TMOD1: variants seen among roughly 807,000 people sequenced by gnomAD.
TMOD1 encodes tropomodulin-1.
In TMOD1, 17 loss-of-function variants were observed where a neutral mutation model predicts 40.6. That is an observed-to-expected ratio of 0.42 (90% CI 0.29 to 0.63). The LOEUF is 0.63. TMOD1 is among the 20% of genes least tolerant of loss of function. The probability of loss-of-function intolerance (pLI) is 0.22; values close to 1 mark genes in which losing one functional copy is unlikely to be tolerated. For synonymous variants in TMOD1, 181 were observed against 175.0 expected, an observed-to-expected ratio of 1.03 and a Z score of -0.27; for missense variants, 391 against 447.6, an observed-to-expected ratio of 0.87 and a Z score of 1.14.
In TMOD1 at chr9:97,546,144, CTCTT is replaced by C. The variant is rs753677312; in HGVS notation, c.121-37_121-34del. ...CTGACCACTCTCTCTTTCTCTCTCT[CTCTT>C]TCTCTCTCTCCTGCCCCCCCACAAC... On this transcript the variant is annotated intron_variant, in intron 2 of 9. Coordinates refer to ENST00000259365, the MANE Select transcript of TMOD1 (RefSeq NM_003275.4). 5.7e-6 allele frequency: 9 copies of C among 1,570,816 alleles called. No individual in the cohort carries two copies. In the Admixed American group the frequency reaches 1.6e-4, roughly 27 times the overall value.
chr9:97,600,458 C>T lies in TMOD1; in HGVS notation c.*760C>T, dbSNP rs1826231675. The stretch of plus-strand genomic sequence containing the variant: ...TTTAATACTGGAGTTAGAACTTTTT[C>T]CTTATTGAATGCCAACCTTATGATG... On this transcript the variant is annotated 3_prime_UTR_variant, in exon 10 of 10. Coordinates refer to ENST00000259365, the MANE Select transcript of TMOD1 (RefSeq NM_003275.4). The T allele has an allele frequency of 1.0e-6, 1 of 985,462 alleles. No individual in the cohort carries two copies. Among genetic ancestry groups the T allele is most frequent in the Non-Finnish European group, 1.2e-6 (1 of 830,060 alleles). The allele number at this position is 985,462 out of a possible 1,614,324, so 61.0% of individuals were successfully genotyped here.
chr9:97,550,126 G>GAAATCATAC (rs1170730841), intron 3 of TMOD1, among the ~76,000 whole-genome samples: 5 of 152,186 alleles, frequency 3.3e-5, no homozygotes, highest in African/African-American at 1.2e-4. Context: ...TTCTACAAAT[G>GAAATCATAC]AAATCATACA....
chr9:97,518,621 A>G (rs1451183259), intron 1 of TMOD1, among the ~76,000 whole-genome samples: 1 of 152,066 alleles, frequency 6.6e-6, no homozygotes, highest in Non-Finnish European at 1.5e-5. Flanking sequence ...TGAGCCAGGC[A>G]CCCCTCTGCC....
intron 8 of TMOD1, among the ~76,000 whole-genome samples, chr9:97,570,528 T>C (rs1002293593): frequency 1.3e-5 from 2 of 152,288 alleles, no homozygotes; most frequent in Admixed American, 1.3e-4. Context: ...CAGGGCTTTT[T>C]TTTTTTCTTT....
rs1015941627 is a variant in TMOD1, at chr9:97,600,405, T to C, written c.*707T>C. On this transcript the variant is annotated 3_prime_UTR_variant, in exon 10 of 10. Transcript: ENST00000259365. ...GCAACAAACATGTCCCTGAGTGTTC[T>C]TTAAGAACATTTGGGATTTATGTAC... The C allele has an allele frequency of 8.1e-6, 8 of 985,718 alleles. No homozygotes were observed. The highest frequency in any genetic ancestry group is 1.2e-4 in the Admixed American group (2 of 16,300). The allele number at this position is 985,718 out of a possible 1,614,324, so 61.1% of individuals were successfully genotyped here.
chr9:97,579,085 G>A (rs558296661), intron 8 of TMOD1, among the ~76,000 whole-genome samples: 196 of 152,276 alleles, frequency 1.3e-3, no homozygotes, highest in African/African-American at 4.4e-3. Context: ...TTGCCAGAGG[G>A]GCCGGTGGAA....
chr9:97,566,184 A>G (rs911185082), intron 7 of TMOD1, among the ~76,000 whole-genome samples: 3 of 152,160 alleles, frequency 2.0e-5, no homozygotes, highest in African/African-American at 7.2e-5. Context: ...TCAGATGTGC[A>G]GTTCTCCCCA....
intron 1 of TMOD1, among the ~76,000 whole-genome samples, chr9:97,521,123 G>C (rs1185002712): frequency 6.6e-6 from 1 of 152,148 alleles, no homozygotes; most frequent in African/African-American, 2.4e-5. Context: ...CTTCTTGTGT[G>C]GTTCTGATGT....
chr9:97,591,768 C>T (rs1826006746), intron 9 of TMOD1, among the ~76,000 whole-genome samples: 1 of 152,108 alleles, frequency 6.6e-6, no homozygotes. Context: ...CTTCTGAATA[C>T]CCTTTTCTGA....
At chr9:97,514,240 T>TG (rs542229716) in intron 1 of TMOD1, among the ~76,000 whole-genome samples, 9,448 of 87,502 alleles carry the variant, frequency 0.11, 427 homozygotes, top group East Asian at 0.23. Context: ...GTTTTTTTTT[T>TG]GGGGGGGGGG....
intron 2 of TMOD1, among the ~76,000 whole-genome samples, chr9:97,530,595 C>G (rs553984736): frequency 6.6e-6 from 1 of 151,500 alleles, no homozygotes; most frequent in African/African-American, 2.4e-5. Context: ...CCACGCCATT[C>G]TCCTTCCTCA....
chr9:97,587,795 C>T (rs930055713), intron 8 of TMOD1, among the ~76,000 whole-genome samples: 17 of 152,214 alleles, frequency 1.1e-4, no homozygotes, highest in Non-Finnish European at 8.8e-5. Flanking sequence ...AACCTCCTTT[C>T]CATCGCTATG....
At chr9:97,594,916 G>T (rs1826075447) in intron 9 of TMOD1, among the ~76,000 whole-genome samples, 1 of 152,148 alleles carries the variant, frequency 6.6e-6, no homozygotes, top group African/African-American at 2.4e-5. Flanking sequence ...AATCTGAATT[G>T]CAGCCTGTGA....
At chr9:97,527,752 G>C (rs571518208) in intron 2 of TMOD1, among the ~76,000 whole-genome samples, 1 of 152,322 alleles carries the variant, frequency 6.6e-6, no homozygotes, top group South Asian at 2.1e-4. Flanking sequence ...GCTGATGCTG[G>C]GGACACATGG....
At chr9:97,514,922 C>T (rs1043865580) in intron 1 of TMOD1, among the ~76,000 whole-genome samples, 2 of 152,292 alleles carry the variant, frequency 1.3e-5, no homozygotes, top group Middle Eastern at 3.4e-3. Flanking sequence ...ACTTCCTGGC[C>T]CTGCCCTAGG....
intron 2 of TMOD1, among the ~76,000 whole-genome samples, chr9:97,530,162 G>C (rs1587923451): frequency 6.6e-6 from 1 of 152,158 alleles, no homozygotes; most frequent in African/African-American, 2.4e-5. Context: ...TTTTGAAGTT[G>C]TTATGTTATT....
chr9:97,507,980 C>A (rs1829617102), intron 1 of TMOD1, among the ~76,000 whole-genome samples: 1 of 151,936 alleles, frequency 6.6e-6, no homozygotes, highest in Non-Finnish European at 1.5e-5. Flanking sequence ...GAAGGGCAGA[C>A]TCAAATCCTT....
At chr9:97,571,719 A>T (rs540261008) in intron 8 of TMOD1, among the ~76,000 whole-genome samples, 5 of 152,334 alleles carry the variant, frequency 3.3e-5, no homozygotes, top group Non-Finnish European at 5.9e-5. Context: ...ATTCAAACCC[A>T]GGTCTGTGTG....
At chr9:97,581,864 T>G (rs1323795564) in intron 8 of TMOD1, among the ~76,000 whole-genome samples, 5 of 151,390 alleles carry the variant, frequency 3.3e-5, no homozygotes, top group Admixed American at 1.3e-4. Flanking sequence ...TCTTGTAAAT[T>G]TGTTTGAGTT....
Sources: allele counts gnomAD v4.1 joint callset (sites outside exome capture counted in the v4.1 genomes callset), GRCh38; gene constraint gnomAD v4.1.1; transcripts MANE v1.5; gene names NCBI Gene and HGNC (gene_info 2026-07-23, HGNC 2026-07-21).